The following SLIT1 variants were observed in gnomAD, a reference collection of about 807,000 sequenced individuals.
The protein encoded by SLIT1 is slit homolog 1 protein.
In SLIT1, 66 loss-of-function variants were observed where a neutral mutation model predicts 186.1. The ratio of observed to expected loss-of-function variants is 0.35; its 90% CI spans 0.29 to 0.44. SLIT1 has a LOEUF of 0.44. SLIT1 is among the 20% of genes least tolerant of loss of function. SLIT1 has a pLI of 1.00. For missense variants in SLIT1, 1,638 were observed against 2,037.4 expected (o/e 0.80, Z 3.77); for synonymous variants, 761 against 833.8 (o/e 0.91, Z 1.50).
chr10:97,178,853 A>G (rs1850292521), intron 1 of SLIT1, among the ~76,000 whole-genome samples: 2 of 152,090 alleles, frequency 1.3e-5, no homozygotes, highest in African/African-American at 4.8e-5. Context: ...TGTTTGCACA[A>G]GTCCATAAGT....
At chr10:97,179,609 TC>T (rs1173538073) in intron 1 of SLIT1, among the ~76,000 whole-genome samples, 1 of 152,218 alleles carries the variant, frequency 6.6e-6, no homozygotes, top group Non-Finnish European at 1.5e-5. Context: ...ACTGTGCTCC[TC>T]GTCTCTATGG....
At chr10:97,041,838 G>A (rs1848693283) in intron 20 of SLIT1, among the ~76,000 whole-genome samples, 1 of 151,074 alleles carries the variant, frequency 6.6e-6, no homozygotes, top group South Asian at 2.1e-4. Context: ...GAATGAGGAT[G>A]CATTTCTTTT....
intron 4 of SLIT1, among the ~76,000 whole-genome samples, chr10:97,113,395 C>A (rs571211340): frequency 4.6e-5 from 7 of 151,532 alleles, no homozygotes; most frequent in Non-Finnish European, 8.8e-5. Context: ...TGTACCACCA[C>A]ACCCGGCTAA....
At chr10:97,173,024 C>T (rs1203083998) in intron 1 of SLIT1, among the ~76,000 whole-genome samples, 4 of 152,084 alleles carry the variant, frequency 2.6e-5, no homozygotes, top group African/African-American at 9.7e-5. Flanking sequence ...CCCAAAAAAG[C>T]TCCACACGCA....
intron 22 of SLIT1, among the ~76,000 whole-genome samples, chr10:97,034,782 C>A (rs1343018263): frequency 2.0e-5 from 3 of 152,148 alleles, no homozygotes; most frequent in African/African-American, 4.8e-5. Context: ...GACCCTCACC[C>A]CCATCCCTCT....
rs761207660 is a variant in SLIT1, at chr10:97,018,987, T to C, written c.2867A>G (p.Tyr956Cys). The change falls in exon 27 of 37, where the codon TAT becomes TGT. Residue 956 changes from tyrosine to cysteine, a missense_variant. Physicochemically the swap from Tyr to Cys is radical, Grantham distance 194. Transcript: ENST00000266058. ...EVYRCACPSG[Y>C]KGRDCEVSLD... ...CCGGCCTCTGCCTCCACTCACCTTA[T>C]AGCCGCTGGGGCAGGCGCACCTGTA... is the stretch of plus-strand genomic sequence containing the variant. 9 of 1,604,300 alleles carry C rather than the reference T, an allele frequency of 5.6e-6. No homozygotes were observed. The highest frequency in any genetic ancestry group is 6.8e-6 in the Non-Finnish European group (8 of 1,171,380).
At chr10:97,116,635 CT>C (rs1849512721) in intron 4 of SLIT1, among the ~76,000 whole-genome samples, 2 of 152,224 alleles carry the variant, frequency 1.3e-5, no homozygotes, top group South Asian at 4.1e-4. Flanking sequence ...CCAATTAACA[CT>C]CTCAAGAATG....
At chr10:97,086,797 G>C (rs1311688396) in intron 4 of SLIT1, among the ~76,000 whole-genome samples, 1 of 152,088 alleles carries the variant, frequency 6.6e-6, no homozygotes, top group East Asian at 1.9e-4. Context: ...TTTAGGGCAG[G>C]GGAACCACTC....
chr10:97,181,811 C>A (rs1209571391), intron 1 of SLIT1, among the ~76,000 whole-genome samples: 8 of 152,218 alleles, frequency 5.3e-5, no homozygotes, highest in Middle Eastern at 3.2e-3. Context: ...CCTCTCTGCA[C>A]AAGGGGAACC....
chr10:97,099,220 G>A (rs1849324699), intron 4 of SLIT1, among the ~76,000 whole-genome samples: 1 of 152,128 alleles, frequency 6.6e-6, no homozygotes, highest in Non-Finnish European at 1.5e-5. Flanking sequence ...AGAGGGGCCA[G>A]GGCTTGATGT....
intron 1 of SLIT1, among the ~76,000 whole-genome samples, chr10:97,167,267 T>G (rs1428123809): frequency 6.6e-6 from 1 of 152,202 alleles, no homozygotes; most frequent in South Asian, 2.1e-4. Context: ...CTCACTGTGT[T>G]GCACCCCAAC....
intron 4 of SLIT1, among the ~76,000 whole-genome samples, chr10:97,142,891 C>A (rs535292785): frequency 1.3e-5 from 2 of 151,996 alleles, no homozygotes; most frequent in South Asian, 2.1e-4. Context: ...AACTAAGATG[C>A]GCAAACTAGT....
At position 97,010,412 on chromosome 10, in the gene SLIT1, A is replaced by C. The variant is rs941624731; in HGVS notation, c.3341+581T>G. Among the ~76,000 whole-genome samples the C allele has an allele frequency of 6.6e-6, 1 of 152,242 alleles. No individual in the cohort carries two copies. The highest frequency in any genetic ancestry group is 1.5e-5 in the Non-Finnish European group (1 of 68,036). On this transcript the variant is annotated intron_variant, in intron 31 of 36. Transcript: ENST00000266058. This position sits in a 1 kb window ranked among gnomAD's most constrained non-coding sequence, Gnocchi z 4.8. ...AGTAGTTGCCTGGAGCTGGGATAGAAGAGGGGCTGGTGTGACAGATAAAGG... is the reference window on the plus strand; with the variant it reads ...AGTAGTTGCCTGGAGCTGGGATAGACGAGGGGCTGGTGTGACAGATAAAGG...
intron 20 of SLIT1, among the ~76,000 whole-genome samples, chr10:97,040,536 C>G (rs1462502534): frequency 2.0e-5 from 3 of 152,142 alleles, no homozygotes; most frequent in African/African-American, 7.2e-5. Context: ...CTCTTTTCTC[C>G]TCTTTTTTTC....
chr10:97,108,676 T>G (rs1849436417), intron 4 of SLIT1, among the ~76,000 whole-genome samples: 1 of 151,694 alleles, frequency 6.6e-6, no homozygotes, highest in African/African-American at 2.4e-5. Flanking sequence ...GATCACAAGG[T>G]CAGCAGATCA....
Position 97,040,119 on chromosome 10 carries a change from G to A in SLIT1, c.2166C>T (p.Gly722=), listed in dbSNP as rs770332357. The A allele has an allele frequency of 3.8e-6, 6 of 1,564,600 alleles. No homozygotes were observed. The East Asian group carries it at 1.2e-4, about 30-fold the overall frequency. The change falls in exon 21 of 37, where the codon GGC becomes GGT. Residue 722 remains glycine, a splice_region_variant and synonymous_variant. Transcript: ENST00000266058. ...VAFPDFRCEE[G]QEEGGCLPRP... ...GGGGCAGGCAGCCCCCCTCCTCCTG[G>A]CCTAGGGAAGAAGGCACGAAGCCCC...
chr10:97,153,997 C>G (rs1849914010), intron 4 of SLIT1: 1 of 152,196 alleles, frequency 6.6e-6, no homozygotes, highest in South Asian at 2.1e-4. Context: ...TTTACCATCA[C>G]CAGCCGGCAG....
At chr10:97,126,472 C>T (rs545439946) in intron 4 of SLIT1, among the ~76,000 whole-genome samples, 6 of 152,226 alleles carry the variant, frequency 3.9e-5, no homozygotes, top group Non-Finnish European at 7.4e-5. Context: ...GGAGATGAGG[C>T]TTTTAAAGAC....
intron 4 of SLIT1, among the ~76,000 whole-genome samples, chr10:97,140,490 G>A (rs1020728220): frequency 1.3e-5 from 2 of 152,190 alleles, no homozygotes; most frequent in Non-Finnish European, 2.9e-5. Context: ...GCACGAGTGG[G>A]CCCCCAAGTT....
Sources: gnomAD v4.1 joint callset for allele counts (sites outside exome capture counted in the v4.1 genomes callset) on GRCh38, gnomAD v4.1.1 for gene constraint, Gnocchi (gnomAD v3.1) non-coding constraint, MANE v1.5 for transcripts, NCBI Gene and HGNC (gene_info 2026-07-23, HGNC 2026-07-21) for gene names.